SUMF1: variants seen among roughly 807,000 people sequenced by gnomAD.
SUMF1 encodes formylglycine-generating enzyme.
SUMF1 carries 48 observed loss-of-function variants against 47.6 expected under a neutral mutation model. The observed-to-expected ratio is 1.01, with a 90% CI of 0.80 to 1.28. SUMF1 has a LOEUF of 1.28. Ranked by LOEUF, SUMF1 falls within the 50% of genes most tolerant of loss-of-function variation. The pLI, the probability that SUMF1 is intolerant of heterozygous loss-of-function variation, is 0.00. For missense variants in SUMF1, 571 were observed against 485.4 expected, an observed-to-expected ratio of 1.18 and a Z score of -1.66; for synonymous variants, 230 against 192.1, an observed-to-expected ratio of 1.20 and a Z score of -1.63.
chr3:4,372,241 C>A (rs193097561), intron 8 of SUMF1, among the ~76,000 whole-genome samples: 1 of 152,218 alleles, frequency 6.6e-6, no homozygotes, highest in Non-Finnish European at 1.5e-5. Context: ...GCGGACATTG[C>A]AGTGAGCCTA....
At chr3:4,273,078 A>G (rs1465084251) in intron 8 of SUMF1, among the ~76,000 whole-genome samples, 2 of 149,734 alleles carry the variant, frequency 1.3e-5, no homozygotes, top group African/African-American at 4.9e-5. Flanking sequence ...ATACATATAT[A>G]TAAATATATA....
rs548679407 is a variant in SUMF1 at position 4,150,310 on chromosome 3, C to G, written c.1015-81565G>C. ...GGCTCAGTGGCTCACATCTATAATC[C>G]CAGCACTTTGGGAGGCCGAGGCAGG... On this transcript the variant is annotated intron_variant and NMD_transcript_variant, in intron 8 of 12. Coordinates refer to the SUMF1 transcript ENST00000448413. Among the ~76,000 whole-genome samples the G allele has an allele frequency of 4.0e-4, 61 of 151,508 alleles. 1 individual carries two copies. Among genetic ancestry groups the G allele is most frequent in the African/African-American group, 1.3e-3 (53 of 40,950 alleles).
intron 8 of SUMF1, among the ~76,000 whole-genome samples, chr3:4,263,259 C>T (rs1299273568): frequency 6.6e-6 from 1 of 152,060 alleles, no homozygotes; most frequent in African/African-American, 2.4e-5. Flanking sequence ...CTGAAGATGA[C>T]CTAATAAGAC....
At chr3:4,100,705 G>T (rs983855699) in intron 8 of SUMF1, among the ~76,000 whole-genome samples, 1 of 151,918 alleles carries the variant, frequency 6.6e-6, no homozygotes, top group Admixed American at 6.6e-5. Flanking sequence ...GATTAATAGA[G>T]TGAAGAGACA....
intron 8 of SUMF1, among the ~76,000 whole-genome samples, chr3:4,365,007 T>C (rs990313721): frequency 7.9e-5 from 12 of 152,210 alleles, no homozygotes; most frequent in Non-Finnish European, 1.8e-4. Flanking sequence ...TTGTTCAGTT[T>C]CCATGTAGTT....
intron 3 of SUMF1, among the ~76,000 whole-genome samples, chr3:4,421,853 GT>G (rs1461946134): frequency 2.0e-5 from 3 of 152,112 alleles, no homozygotes; most frequent in Non-Finnish European, 4.4e-5. Context: ...CCACAACAAT[GT>G]TACTCTTTGA....
chr3:4,316,822 A>G, intron 8 of SUMF1: 2 of 1,550,650 alleles, frequency 1.3e-6, no homozygotes, highest in African/African-American at 1.4e-5. Flanking sequence ...GGTCTGATCC[A>G]CTACAGCTTT....
intron 9 of SUMF1, among the ~76,000 whole-genome samples, chr3:4,044,837 C>T (rs1028219508): frequency 3.3e-5 from 5 of 152,192 alleles, no homozygotes; most frequent in African/African-American, 1.2e-4. Context: ...AATATTGCAT[C>T]ATTTAGATCA....
intron 8 of SUMF1, among the ~76,000 whole-genome samples, chr3:4,366,876 G>A (rs934244657): frequency 1.3e-5 from 2 of 152,142 alleles, no homozygotes; most frequent in African/African-American, 4.8e-5. Context: ...TGATGATGGT[G>A]ATGTACAGAT....
chr3:4,111,710 G>A (rs1574893515), intron 8 of SUMF1, among the ~76,000 whole-genome samples: 3 of 152,012 alleles, frequency 2.0e-5, no homozygotes. Context: ...TTGCACTGCA[G>A]CCTGGCGACA....
intron 3 of SUMF1, among the ~76,000 whole-genome samples, chr3:4,440,029 T>C (rs1702528488): frequency 6.6e-6 from 1 of 152,046 alleles, no homozygotes; most frequent in Non-Finnish European, 1.5e-5. Context: ...AGGTCAGAAA[T>C]TCGAGACCAG....
At chr3:4,132,783 G>A (rs1448478578) in intron 8 of SUMF1, among the ~76,000 whole-genome samples, 2 of 152,150 alleles carry the variant, frequency 1.3e-5, no homozygotes, top group Non-Finnish European at 2.9e-5. Context: ...GACTGACACA[G>A]ACTATCAAGA....
intron 8 of SUMF1, among the ~76,000 whole-genome samples, chr3:4,084,028 G>A (rs999950098): frequency 1.4e-4 from 21 of 152,036 alleles, no homozygotes; most frequent in Non-Finnish European, 5.9e-5. Context: ...TTTCAAGATG[G>A]AATAGGAAAG....
At chr3:4,249,070 G>A (rs1024754137) in intron 8 of SUMF1, among the ~76,000 whole-genome samples, 12 of 152,098 alleles carry the variant, frequency 7.9e-5, no homozygotes, top group African/African-American at 2.7e-4. Flanking sequence ...GGCCCATGAG[G>A]CACATGGGGT....
intron 8 of SUMF1, among the ~76,000 whole-genome samples, chr3:4,225,297 GAGCTCAGTC>G (rs1479990476): frequency 6.6e-6 from 1 of 152,030 alleles, no homozygotes; most frequent in Non-Finnish European, 1.5e-5. Context: ...CAGGCCTCAG[GAGCTCAGTC>G]AGCTTCAAGT....
At chr3:4,303,141 T>G (rs1380697112) in intron 8 of SUMF1, among the ~76,000 whole-genome samples, 1 of 152,168 alleles carries the variant, frequency 6.6e-6, no homozygotes, top group Non-Finnish European at 1.5e-5. Context: ...CACCTCACTT[T>G]GTTTCGTCCG....
At chr3:4,125,641 T>C (rs543647365) in intron 8 of SUMF1, among the ~76,000 whole-genome samples, 1 of 152,294 alleles carries the variant, frequency 6.6e-6, no homozygotes, top group South Asian at 2.1e-4. Context: ...TCAAAAGAAA[T>C]ACAGAAGAGA....
intron 8 of SUMF1, among the ~76,000 whole-genome samples, chr3:4,234,271 G>C (rs180875756): frequency 2.0e-5 from 3 of 151,752 alleles, no homozygotes; most frequent in Non-Finnish European, 2.9e-5. Context: ...ATATTTTATA[G>C]AAATAAATTC....
intron 8 of SUMF1, among the ~76,000 whole-genome samples, chr3:4,185,094 C>A (rs1244389909): frequency 6.6e-6 from 1 of 152,120 alleles, no homozygotes; most frequent in Non-Finnish European, 1.5e-5. Flanking sequence ...TAGTCTATGG[C>A]TTCATAACAA....
Sources: gnomAD v4.1 joint callset for allele counts (sites outside exome capture counted in the v4.1 genomes callset) on GRCh38, gnomAD v4.1.1 for gene constraint, MANE v1.5 for transcripts, NCBI Gene and HGNC (gene_info 2026-07-23, HGNC 2026-07-21) for gene names.